The following ZFP41 variants were observed in gnomAD, a reference collection of about 807,000 sequenced individuals.
ZFP41 encodes zinc finger protein 41 homolog.
A neutral mutation model predicts 11.6 loss-of-function variants in ZFP41; 10 were observed. The ratio of observed to expected loss-of-function variants is 0.86; its 90% CI spans 0.53 to 1.47. ZFP41 has a LOEUF of 1.47. Ranked by LOEUF, ZFP41 falls within the 40% of genes most tolerant of loss-of-function variation. ZFP41 has a pLI of 0.00. For missense variants in ZFP41, 302 were observed against 264.6 expected (o/e 1.14, Z -0.98); for synonymous variants, 123 against 100.9 (o/e 1.22, Z -1.31).
Position 143,249,912 on chromosome 8 carries a change from T to C in ZFP41, c.69T>C (p.Ser23=), listed in dbSNP as rs11136275. 857,749 of 1,612,432 alleles carry C rather than the reference T, an allele frequency of 0.53. 231,290 individuals carry two copies. Among genetic ancestry groups the C allele is most frequent in the East Asian group, 0.76 (34,255 of 44,804 alleles). ...TPREEADVQK[S]ALREEKVSGD... is the part of the protein sequence containing the mutation. ...GGGAGGAGGCAGACGTGCAGAAGAG[T>C]GCGCTCAGAGAGGAGAAGGTGTCCG... is the stretch of plus-strand genomic sequence containing the variant. The change falls in exon 2 of 3, where the codon AGT becomes AGC. Residue 23 remains serine (S), a synonymous_variant. Transcript: ENST00000330701.
intron 2 of ZFP41, among the ~76,000 whole-genome samples, chr8:143,255,766 C>G (rs1446225551): frequency 2.6e-5 from 3 of 116,756 alleles, no homozygotes; most frequent in Admixed American, 8.1e-5. Context: ...GGGCTCTCCC[C>G]GCGTGCTAGA....
chr8:143,252,590 G>A (rs747530164), intron 2 of ZFP41: 234 of 980,104 alleles, frequency 2.4e-4, no homozygotes, highest in Non-Finnish European at 2.7e-4. Context: ...CGCCTCAGTC[G>A]CTGCTGGAAG....
chr8:143,250,540 G>A lies in ZFP41; in HGVS notation c.*100G>A, dbSNP rs747962467. On this transcript the variant is annotated 3_prime_UTR_variant, in exon 2 of 3. Transcript: ENST00000330701. ...CCGCGTCTGATGGGGGCGCAGGGCC[G>A]TGCGCACTGTGTTCCGTGCCCTGGG... The A allele has an allele frequency of 2.4e-4, 360 of 1,517,262 alleles. No homozygotes were observed. The highest frequency in any genetic ancestry group is 3.0e-4 in the Non-Finnish European group (336 of 1,132,678). 94.0% of individuals were successfully genotyped at this position (1,517,262 alleles called of 1,614,324 possible). A position where few individuals can be genotyped will look rare whatever the true frequency, so the allele number is the denominator to read the frequency against.
intron 2 of ZFP41, among the ~76,000 whole-genome samples, chr8:143,253,818 G>A (rs991421299): frequency 6.6e-6 from 1 of 152,148 alleles, no homozygotes; most frequent in Non-Finnish European, 1.5e-5. Context: ...AGGTTCACTG[G>A]AGAGCTTGTT....
In ZFP41 at chr8:143,251,155, AC is replaced by A. The variant is rs988208328; in HGVS notation, c.*717del. 3.0e-5 allele frequency: 5 copies of A among 167,496 alleles called. No homozygotes were observed. Among genetic ancestry groups the A allele is most frequent in the African/African-American group, 1.2e-4 (5 of 41,580 alleles). The allele number at this position is 167,496 out of a possible 1,614,324, so 10.4% of individuals were successfully genotyped here. On this transcript the variant is annotated 3_prime_UTR_variant, in exon 2 of 3. Coordinates refer to ENST00000330701, the MANE Select transcript of ZFP41 (RefSeq NM_173832.6). Reference sequence around the variant, plus strand: ...TCCTCCCAGAGAGGCGGCCTGACTTACCTGGATGGACTTGGGACAAAGGTTC... The same window carrying A: ...TCCTCCCAGAGAGGCGGCCTGACTTACTGGATGGACTTGGGACAAAGGTTC...
At chr8:143,254,565 G>C (rs1178301257) in intron 2 of ZFP41, among the ~76,000 whole-genome samples, 1 of 151,910 alleles carries the variant, frequency 6.6e-6, no homozygotes. Context: ...GTCTGCATTT[G>C]GTTTGATTTT....
chr8:143,250,181 A>G lies in ZFP41; in HGVS notation c.338A>G (p.Lys113Arg). Reference protein sequence around the residue: ...IRHQRVHTGEKPFKCAQCGKA... With the variant: ...IRHQRVHTGERPFKCAQCGKA... ...CATCAGAGGGTCCACACTGGAGAGA[A>G]GCCCTTCAAGTGTGCGCAGTGCGGG... The change falls in exon 2 of 3, where the codon AAG becomes AGG. Residue 113 changes from lysine to arginine, a missense_variant. Coordinates refer to ENST00000330701, the MANE Select transcript of ZFP41 (RefSeq NM_173832.6). 1 of 1,614,120 alleles carries G rather than the reference A, an allele frequency of 6.2e-7. No individual in the cohort carries two copies. The highest frequency in any genetic ancestry group is 8.5e-7 in the Non-Finnish European group (1 of 1,180,040).
Position 143,250,872 on chromosome 8 carries a change from T to C in ZFP41, c.*432T>C, listed in dbSNP as rs566226609. On this transcript the variant is annotated 3_prime_UTR_variant, in exon 2 of 3. Coordinates refer to ENST00000330701, the MANE Select transcript of ZFP41 (RefSeq NM_173832.6). ...TGCCTGCCTGTGATGTCCACTCTGCTTAAGCCTTTCATCTGCCGCTGAAGG... is the reference window on the plus strand; with the variant it reads ...TGCCTGCCTGTGATGTCCACTCTGCCTAAGCCTTTCATCTGCCGCTGAAGG... 12 of 203,264 alleles carry C rather than the reference T, an allele frequency of 5.9e-5. No homozygotes were observed. In the South Asian group the frequency reaches 1.4e-3, roughly 23 times the overall value. The allele number at this position is 203,264 out of a possible 1,614,324, so 12.6% of individuals were successfully genotyped here.
At chr8:143,253,270 G>T (rs1814823314) in intron 2 of ZFP41, 1 of 152,304 alleles carries the variant, frequency 6.6e-6, no homozygotes, top group African/African-American at 2.4e-5. Context: ...CGTGGCGTCT[G>T]CAGTTCATGC....
At chr8:143,258,494 A>G (rs540441162) in intron 2 of ZFP41, among the ~76,000 whole-genome samples, 5 of 152,358 alleles carry the variant, frequency 3.3e-5, no homozygotes, top group African/African-American at 1.2e-4. Context: ...GTGAGCAAGA[A>G]GGGGAGGCCT....
chr8:143,256,494 G>C (rs917606239), intron 2 of ZFP41, among the ~76,000 whole-genome samples: 1 of 152,200 alleles, frequency 6.6e-6, no homozygotes, highest in Non-Finnish European at 1.5e-5. Flanking sequence ...CACGAAATGG[G>C]GGCCATGCAA....
At chr8:143,251,576 G>A (rs746708556) in intron 2 of ZFP41, among the ~76,000 whole-genome samples, 2 of 152,238 alleles carry the variant, frequency 1.3e-5, no homozygotes, top group Non-Finnish European at 1.5e-5. Context: ...ACTAATCACG[G>A]CCCTAGTCTT....
chr8:143,254,607 G>T (rs372232389), intron 2 of ZFP41, among the ~76,000 whole-genome samples: 2 of 146,468 alleles, frequency 1.4e-5, no homozygotes, highest in South Asian at 4.4e-4. Context: ...GCTTTTCCCC[G>T]TTACTGACAA....
Position 143,250,450 on chromosome 8 carries a change from A to G in ZFP41, c.*10A>G. 1 of 1,605,554 alleles carries G rather than the reference A, an allele frequency of 6.2e-7. No homozygotes were observed. Among genetic ancestry groups the G allele is most frequent in the Non-Finnish European group, 8.5e-7 (1 of 1,175,106 alleles). On this transcript the variant is annotated 3_prime_UTR_variant, in exon 2 of 3. Coordinates refer to ENST00000330701, the MANE Select transcript of ZFP41 (RefSeq NM_173832.6). ...TCGGAAGAAGCCCTGAGCCGGGGCC[A>G]TCTGCGGACTCGGGCCCTGCGGTGC...
At chr8:143,252,726 G>C (rs1291313766) in intron 2 of ZFP41, 1 of 774,576 alleles carries the variant, frequency 1.3e-6, no homozygotes, top group African/African-American at 1.9e-5. Context: ...GTGCTGGGGA[G>C]GCCAGTCTTC....
chr8:143,259,616 C>T (rs550155972), intron 2 of ZFP41, among the ~76,000 whole-genome samples, 159 bp from the exon 3 acceptor site: 2 of 152,052 alleles, frequency 1.3e-5, no homozygotes, highest in South Asian at 2.1e-4. Flanking sequence ...GAGGCCCCCC[C>T]GCCCCCAACC....
At chr8:143,249,523 A>T in intron 1 of ZFP41, 167 bp from the exon 2 acceptor site, 1 of 243,038 alleles carries the variant, frequency 4.1e-6, no homozygotes, top group Non-Finnish European at 8.0e-6. Flanking sequence ...CCCTTCATCG[A>T]GACAAGGAAA....
rs1051572428 is a variant in ZFP41 at position 143,257,081 on chromosome 8, G to A, written c.*901-2694G>A. On this transcript the variant is annotated intron_variant, in intron 2 of 2. Coordinates refer to ENST00000330701, the MANE Select transcript of ZFP41 (RefSeq NM_173832.6). ...TGACTTAACAGAGCACCTGATGGCA[G>A]TGGGAGCCAAGGGCAGTATCCAACC... Among the ~76,000 whole-genome samples, 12 of 152,386 alleles carry A rather than the reference G, an allele frequency of 7.9e-5. No individual in the cohort carries two copies. The East Asian group carries it at 2.3e-3, about 29-fold the overall frequency.
In ZFP41 at chr8:143,250,343, G is replaced by A; in HGVS notation, c.500G>A (p.Gly167Glu). 6.2e-7 allele frequency: 1 copy of A among 1,614,008 alleles called. No individual in the cohort carries two copies. The highest frequency in any genetic ancestry group is 8.5e-7 in the Non-Finnish European group (1 of 1,180,026). Residue 167 changes from glycine to glutamate, a missense_variant, in exon 2 of 3, where the codon GGG (glycine) becomes GAG (glutamate). Coordinates refer to ENST00000330701, the MANE Select transcript of ZFP41 (RefSeq NM_173832.6). Reference sequence around the variant, plus strand: ...CTGAAACATCAGAAGACGCACACCGGGGAGAAGCCCTACGAATGCACGCAC... The same window carrying A: ...CTGAAACATCAGAAGACGCACACCGAGGAGAAGCCCTACGAATGCACGCAC... ...NLLKHQKTHTGEKPYECTHCG... is the reference protein window; with the variant it reads ...NLLKHQKTHTEEKPYECTHCG...
Sources: allele counts gnomAD v4.1 joint callset (sites outside exome capture counted in the v4.1 genomes callset), GRCh38; gene constraint gnomAD v4.1.1; transcripts MANE v1.5; gene names NCBI Gene and HGNC (gene_info 2026-07-23, HGNC 2026-07-21).